CFAP54: variants seen among roughly 807,000 people sequenced by gnomAD.
CFAP54 encodes cilia- and flagella-associated protein 54.
A neutral mutation model predicts 370.4 loss-of-function variants in CFAP54; 290 were observed. That is an observed-to-expected ratio of 0.78 (90% CI 0.71 to 0.86). CFAP54 has a LOEUF of 0.86. Ranked by LOEUF, CFAP54 falls within the 40% of genes least tolerant of loss-of-function variation. CFAP54 has a pLI of 0.00. For missense variants in CFAP54, 3,399 were observed against 3,528.7 expected (o/e 0.96, Z 0.93); for synonymous variants, 1,206 against 1,236.5 (o/e 0.98, Z 0.52).
chr12:96,713,126 T>C (rs999280014), intron 48 of CFAP54, among the ~76,000 whole-genome samples: 1 of 152,184 alleles, frequency 6.6e-6, no homozygotes, highest in Non-Finnish European at 1.5e-5. Flanking sequence ...GAAAACAGTA[T>C]GGTCATTCCT....
At chr12:96,801,115 A>G (rs1008584506) in intron 63 of CFAP54, among the ~76,000 whole-genome samples, 1 of 152,222 alleles carries the variant, frequency 6.6e-6, no homozygotes, top group Non-Finnish European at 1.5e-5. Flanking sequence ...TTTATTCACC[A>G]CATTGAAGCA....
rs1226773542 is a variant in CFAP54 at position 96,644,309 on chromosome 12, A to G, written c.4448A>G (p.Gln1483Arg). 1 of 1,536,018 alleles carries G rather than the reference A, an allele frequency of 6.5e-7. No homozygotes were observed. Among genetic ancestry groups the G allele is most frequent in the Non-Finnish European group, 8.7e-7 (1 of 1,146,798 alleles). ...CTTGAAGAGATGCCCTGGAGAGCTC[A>G]GATGAACCTGTATCTAGCAGGTGCA... ...LSLEEMPWRA[Q>R]MNLYLAGAHF... The change falls in exon 33 of 68, where the codon CAG becomes CGG. Residue 1483 changes from glutamine (Q) to arginine (R), a missense_variant. Gln to Arg is a conservative substitution (Grantham distance 43). Around this residue, in one of 3 missense-constraint regions of CFAP54, gnomAD observed 2,796 missense variants for 2,869.7 expected, o/e 0.97. Transcript: ENST00000524981.
At chr12:96,755,187 C>A (rs1475971742) in intron 56 of CFAP54, among the ~76,000 whole-genome samples, 1 of 152,054 alleles carries the variant, frequency 6.6e-6, no homozygotes, top group African/African-American at 2.4e-5. Flanking sequence ...TGTGATTTTT[C>A]TAAAATTTTA....
chr12:96,576,240 G>A (rs763186111), intron 19 of CFAP54, among the ~76,000 whole-genome samples: 15 of 151,930 alleles, frequency 9.9e-5, no homozygotes, highest in Admixed American at 3.9e-4. Flanking sequence ...CATAAATGCA[G>A]ATGATTATGG....
At chr12:96,708,582 T>G in intron 47 of CFAP54, 26 bp from the exon 48 acceptor site, 1 of 1,559,162 alleles carries the variant, frequency 6.4e-7, no homozygotes. Context: ...TCTAATTTGC[T>G]CTTTTTCCTT....
At chr12:96,778,718 C>A (rs1039636766) in intron 60 of CFAP54, among the ~76,000 whole-genome samples, 1 of 152,094 alleles carries the variant, frequency 6.6e-6, no homozygotes, top group African/African-American at 2.4e-5. Context: ...AAGGGATGTG[C>A]CAATCTTATA....
intron 3 of CFAP54, among the ~76,000 whole-genome samples, chr12:96,504,941 C>CTTTCTTTCTT (rs545845905): frequency 2.1e-5 from 3 of 145,676 alleles, no homozygotes; most frequent in African/African-American, 7.9e-5. Flanking sequence ...CTTTCTTCCT[C>CTTTCTTTCTT]TTTCTTTCTT....
chr12:96,857,401 G>A (rs573038836), intron 66 of CFAP54, among the ~76,000 whole-genome samples: 2 of 152,070 alleles, frequency 1.3e-5, no homozygotes, highest in Non-Finnish European at 2.9e-5. Context: ...TTGGTTTTCT[G>A]TTCCTGCGTT....
At chr12:96,693,678 T>G in intron 44 of CFAP54, 44 bp from the exon 45 acceptor site, 2 of 1,263,390 alleles carry the variant, frequency 1.6e-6, no homozygotes, top group Non-Finnish European at 2.3e-6. Flanking sequence ...GTTATTAGTT[T>G]GATAAAATAT....
intron 32 of CFAP54, among the ~76,000 whole-genome samples, chr12:96,638,338 C>T (rs759596275): frequency 3.6e-4 from 54 of 151,140 alleles, no homozygotes; most frequent in African/African-American, 9.5e-4. Flanking sequence ...GGCTTAAGCG[C>T]GATCCTCCTA....
intron 26 of CFAP54, among the ~76,000 whole-genome samples, chr12:96,607,877 G>T (rs1956317040): frequency 2.0e-5 from 3 of 151,794 alleles, no homozygotes; most frequent in Admixed American, 2.0e-4. Flanking sequence ...AAAGACCGAG[G>T]TCCAAAAATT....
At chr12:96,594,729 T>C (rs1956159451) in intron 25 of CFAP54, among the ~76,000 whole-genome samples, 1 of 152,178 alleles carries the variant, frequency 6.6e-6, no homozygotes, top group Non-Finnish European at 1.5e-5. Context: ...TTATTTTAAT[T>C]TTTATGTTCT....
chr12:96,793,235 A>T (rs1448067705), intron 63 of CFAP54, among the ~76,000 whole-genome samples: 1 of 152,022 alleles, frequency 6.6e-6, no homozygotes, highest in Non-Finnish European at 1.5e-5. Flanking sequence ...TCATTCTTAT[A>T]CATTTGCATC....
Position 96,489,768 on chromosome 12 carries a change from G to A in CFAP54, c.159G>A (p.Glu53=), listed in dbSNP as rs1954856049. Residue 53 remains glutamate, a synonymous_variant, in exon 1 of 68, where the codon GAG becomes GAA. Coordinates refer to ENST00000524981, the MANE Select transcript of CFAP54 (RefSeq NM_001306084.2). ...RSSLLQWTCP[E]DSLPLAVFYG... ...CGCTGCTTCAGTGGACCTGCCCCGA[G>A]GACTCATTGCCCCTAGCCGTGTTTT... The A allele has an allele frequency of 1.3e-6, 2 of 1,536,162 alleles. No individual in the cohort carries two copies. Among genetic ancestry groups the A allele is most frequent in the East Asian group, 4.9e-5 (2 of 40,920 alleles).
At chr12:96,593,437 A>G (rs1027910168) in intron 24 of CFAP54, among the ~76,000 whole-genome samples, 1 of 152,142 alleles carries the variant, frequency 6.6e-6, no homozygotes, top group African/African-American at 2.4e-5. Context: ...CTGGGGATAT[A>G]AAAGTGGAAA....
chr12:96,867,441 A>G (rs1458259800), intron 67 of CFAP54, among the ~76,000 whole-genome samples: 1 of 152,194 alleles, frequency 6.6e-6, no homozygotes, highest in Non-Finnish European at 1.5e-5. Flanking sequence ...TGTCTAAGAG[A>G]TATCTGCCCT....
chr12:96,489,625 TC>T lies in CFAP54; in HGVS notation c.21del (p.Ser8ArgfsTer51). MAAQG[S>X]PSSSPSDDST... The stretch of plus-strand genomic sequence containing the variant: ...GCGCGTCAATATGGCGGCGCAGGGC[TC>T]CCCCTCGAGCTCTCCGTCAGACGAC... On this transcript the variant is annotated frameshift_variant, in exon 1 of 68. Transcript: ENST00000524981. LOFTEE classifies it high-confidence loss of function. 1 of 1,519,882 alleles carries T rather than the reference TC, an allele frequency of 6.6e-7. No homozygotes were observed. The highest frequency in any genetic ancestry group is 8.8e-7 in the Non-Finnish European group (1 of 1,135,410). 94.1% of individuals were successfully genotyped at this position (1,519,882 alleles called of 1,614,324 possible).
Position 96,489,922 on chromosome 12 carries a change from C to T in CFAP54, c.313C>T (p.Arg105Cys), listed in dbSNP as rs1954859068. Residue 105 changes from arginine to cysteine, a missense_variant, in exon 1 of 68, where the codon CGT (arginine) becomes TGT (cysteine). By Grantham distance (180) the Arg-to-Cys change is radical. Transcript: ENST00000524981. ...TEEEKHEFRR[R>C]CATSLFNIWT... ...GGAAGAGAAGCACGAATTCCGCCGGCGTTGGTAAGCGCTGGCGGGGCACTG... is the reference window on the plus strand; with the variant it reads ...GGAAGAGAAGCACGAATTCCGCCGGTGTTGGTAAGCGCTGGCGGGGCACTG... 1 of 1,531,042 alleles carries T rather than the reference C, an allele frequency of 6.5e-7. No homozygotes were observed. The highest frequency in any genetic ancestry group is 8.7e-7 in the Non-Finnish European group (1 of 1,143,362). 94.8% of individuals were successfully genotyped at this position (1,531,042 alleles called of 1,614,324 possible). A position where few individuals can be genotyped will look rare whatever the true frequency, so the allele number is the denominator to read the frequency against.
rs1956245530 is a variant in CFAP54, at chr12:96,601,796, GGT to G, written c.3639+3031_3639+3032del. Among the ~76,000 whole-genome samples the G allele has an allele frequency of 3.3e-5, 5 of 152,216 alleles. No individual in the cohort carries two copies. The South Asian group carries it at 1.0e-3, about 32-fold the overall frequency. Reference sequence around the variant, plus strand: ...TAGTTTGTATTTCTGTGGGATTGGTGGTGATATCCCCTTTATCATTTTTTATT... The same window carrying G: ...TAGTTTGTATTTCTGTGGGATTGGTGGATATCCCCTTTATCATTTTTTATT... On this transcript the variant is annotated intron_variant, in intron 26 of 67. Coordinates refer to ENST00000524981, the MANE Select transcript of CFAP54 (RefSeq NM_001306084.2).
Sources: gnomAD v4.1 joint callset for allele counts (sites outside exome capture counted in the v4.1 genomes callset) on GRCh38, gnomAD v4.1.1 for gene constraint, gnomAD v4.1.1 regional missense constraint, MANE v1.5 for transcripts, NCBI Gene and HGNC (gene_info 2026-07-23, HGNC 2026-07-21) for gene names.